The following MAPK10 variants were observed in gnomAD, a reference collection of about 807,000 sequenced individuals.
MAPK10 encodes JNK3 alpha protein kinase.
Under a neutral mutation model 59.3 loss-of-function variants are expected in MAPK10, and 25 were observed. The observed-to-expected ratio is 0.42, with a 90% CI of 0.31 to 0.59. The LOEUF is 0.59. Among genes scored for constraint, MAPK10 ranks in the 20% least tolerant of loss-of-function variants. The pLI is 0.15. For synonymous variants in MAPK10, 190 were observed against 200.5 expected, an observed-to-expected ratio of 0.95 and a Z score of 0.44; for missense variants, 351 against 568.9, an observed-to-expected ratio of 0.62 and a Z score of 3.90.
intron 2 of MAPK10, among the ~76,000 whole-genome samples, chr4:86,228,882 A>C (rs575231911): frequency 1.3e-5 from 2 of 152,320 alleles, no homozygotes; most frequent in Non-Finnish European, 2.9e-5. Flanking sequence ...AATGACTATA[A>C]AATATAGTTT....
chr4:86,422,318 G>A (rs1746636575), intron 1 of MAPK10, among the ~76,000 whole-genome samples: 1 of 152,156 alleles, frequency 6.6e-6, no homozygotes. Context: ...CAGACTTAAT[G>A]TATTATACCT....
At chr4:86,113,850 A>C (rs2057911542) in intron 4 of MAPK10, among the ~76,000 whole-genome samples, 2 of 152,204 alleles carry the variant, frequency 1.3e-5, no homozygotes, top group African/African-American at 4.8e-5. Context: ...CAGATGCTCC[A>C]ATCAGTCATA....
chr4:86,548,309 A>T, intron 1 of MAPK10, among the ~76,000 whole-genome samples: 1 of 151,954 alleles, frequency 6.6e-6, no homozygotes, highest in East Asian at 1.9e-4. Context: ...GAAGGAAGAA[A>T]CTCCAAACAC....
chr4:86,362,122 T>C (rs1737094120), upstream of MAPK10, among the ~76,000 whole-genome samples: 1 of 152,142 alleles, frequency 6.6e-6, no homozygotes, highest in Admixed American at 6.5e-5. Context: ...TGTATACATG[T>C]ATCAAAACAT....
chr4:86,476,964 T>C (rs1753141909), intron 1 of MAPK10, among the ~76,000 whole-genome samples: 1 of 152,104 alleles, frequency 6.6e-6, no homozygotes, highest in Non-Finnish European at 1.5e-5. Context: ...AATCAGACTG[T>C]TCAACTTACC....
chr4:86,336,062 C>A (rs1721129218), intron 2 of MAPK10, among the ~76,000 whole-genome samples: 1 of 151,872 alleles, frequency 6.6e-6, no homozygotes, highest in African/African-American at 2.4e-5. Flanking sequence ...AAACTAGAAT[C>A]AAAAGATTTT....
intron 3 of MAPK10, among the ~76,000 whole-genome samples, chr4:86,165,027 T>C (rs2071139858): frequency 6.6e-6 from 1 of 152,210 alleles, no homozygotes; most frequent in Non-Finnish European, 1.5e-5. Context: ...TTGGGCACTA[T>C]TAAATGTAAC....
intron 1 of MAPK10, among the ~76,000 whole-genome samples, chr4:86,425,557 T>C (rs1747164524): frequency 6.6e-6 from 1 of 152,236 alleles, no homozygotes; most frequent in Admixed American, 6.5e-5. Context: ...TTGTATGACT[T>C]AAGCAGTTTG....
intron 1 of MAPK10, among the ~76,000 whole-genome samples, chr4:86,400,353 T>C (rs1743533455): frequency 6.6e-6 from 1 of 152,160 alleles, no homozygotes; most frequent in Admixed American, 6.5e-5. Context: ...GAAGCCAACA[T>C]CTTTCAAACC....
intron 1 of MAPK10, among the ~76,000 whole-genome samples, chr4:86,539,150 TCAGCCCAGGAAAACAGGA>T (rs1200681098): frequency 2.0e-5 from 3 of 151,976 alleles, no homozygotes; most frequent in African/African-American, 7.3e-5. Flanking sequence ...AATAATGAGC[TCAGCCCAGGAAAACAGGA>T]TCTGTCATTC....
At chr4:86,104,913 G>A (rs902433354) in intron 5 of MAPK10, among the ~76,000 whole-genome samples, 1 of 151,782 alleles carries the variant, frequency 6.6e-6, no homozygotes, top group Non-Finnish European at 1.5e-5. Context: ...TTTTAAAAAG[G>A]CATCTGTAGA....
At chr4:86,172,072 C>T (rs1189948481) in intron 3 of MAPK10, among the ~76,000 whole-genome samples, 1 of 137,352 alleles carries the variant, frequency 7.3e-6, no homozygotes, top group African/African-American at 3.4e-5. Flanking sequence ...AGTCAGGAAA[C>T]AACAGGTGCT....
intron 1 of MAPK10, among the ~76,000 whole-genome samples, chr4:86,460,111 T>A (rs1053262189): frequency 1.3e-5 from 2 of 152,204 alleles, no homozygotes; most frequent in African/African-American, 4.8e-5. Context: ...TTTAAATTTT[T>A]AAAGAGTCTT....
At chr4:86,485,006 T>C (rs1015426423) in intron 1 of MAPK10, among the ~76,000 whole-genome samples, 1 of 152,202 alleles carries the variant, frequency 6.6e-6, no homozygotes, top group Non-Finnish European at 1.5e-5. Context: ...TAGTAAGATA[T>C]GTCAGATAAG....
intron 2 of MAPK10, among the ~76,000 whole-genome samples, chr4:86,296,028 T>C (rs888564795): frequency 5.3e-5 from 8 of 151,040 alleles, no homozygotes; most frequent in African/African-American, 1.5e-4. Context: ...ATATAAAAAT[T>C]AGCCAGGCTT....
chr4:86,043,691 G>C (rs1266018688), intron 11 of MAPK10, among the ~76,000 whole-genome samples: 1 of 152,132 alleles, frequency 6.6e-6, no homozygotes, highest in Non-Finnish European at 1.5e-5. Flanking sequence ...CCCACATGCA[G>C]AAAACAAAGG....
At chr4:86,587,572 G>A (rs1388420535) in intron 1 of MAPK10, among the ~76,000 whole-genome samples, 2 of 152,136 alleles carry the variant, frequency 1.3e-5, no homozygotes, top group Non-Finnish European at 2.9e-5. Flanking sequence ...CCTGGGCAAC[G>A]TTCCCATCAC....
chr4:86,580,664 C>T (rs1046473609), intron 1 of MAPK10, among the ~76,000 whole-genome samples: 1 of 152,008 alleles, frequency 6.6e-6, no homozygotes, highest in African/African-American at 2.4e-5. Flanking sequence ...ATGCTAAAAA[C>T]CTAAATAATC....
At position 86,372,564 on chromosome 4, in the gene MAPK10, G is replaced by GAAAGAAAGGAAAAGAAAAGAAAAGA; in HGVS notation, c.-121-17921_-121-17920insTCTTTTCTTTTCTTTTCCTTTCTTT. ...AGAAAGAAAGAAAGAAAGAAAGAAA[G>GAAAGAAAGGAAAAGAAAAGAAAAGA]AAAGAAAAGAAAAGAAAAGAAAAGA... On this transcript the variant is annotated intron_variant, in intron 1 of 13. Coordinates refer to the MAPK10 transcript ENST00000361569. 1.7e-3 allele frequency among the ~76,000 whole-genome samples: 130 copies of GAAAGAAAGGAAAAGAAAAGAAAAGA among 78,704 alleles called. 2 individuals carry two copies. Among genetic ancestry groups the GAAAGAAAGGAAAAGAAAAGAAAAGA allele is most frequent in the Middle Eastern group, 5.9e-3 (1 of 170 alleles). The allele number at this position is 78,704 out of a possible 152,430, so 51.6% of individuals were successfully genotyped here. A position where few individuals can be genotyped will look rare whatever the true frequency, so the allele number is the denominator to read the frequency against.
Sources: gnomAD v4.1 joint callset for allele counts (sites outside exome capture counted in the v4.1 genomes callset) on GRCh38, gnomAD v4.1.1 for gene constraint, MANE v1.5 for transcripts, NCBI Gene and HGNC (gene_info 2026-07-23, HGNC 2026-07-21) for gene names.